The following PLCB1 variants were observed in gnomAD, a reference collection of about 807,000 sequenced individuals.
The protein encoded by PLCB1 is 1-phosphatidylinositol 4,5-bisphosphate phosphodiesterase beta-1.
PLCB1 carries 46 observed loss-of-function variants against 161.8 expected under a neutral mutation model. The observed-to-expected ratio is 0.28, with a 90% confidence interval of 0.22 to 0.36. The LOEUF is 0.36. Ranked by LOEUF, PLCB1 falls within the 10% of genes least tolerant of loss-of-function variation. The pLI, the probability that PLCB1 is intolerant of heterozygous loss-of-function variation, is 1.00. For synonymous variants in PLCB1, 517 were observed against 503.7 expected (o/e 1.03, Z -0.35); for missense variants, 1,016 against 1,472.5 (o/e 0.69, Z 5.07).
intron 7 of PLCB1, among the ~76,000 whole-genome samples, chr20:8,655,523 G>T (rs1256995365): frequency 3.3e-5 from 5 of 152,068 alleles, no homozygotes; most frequent in Non-Finnish European, 2.9e-5. Context: ...ACAAAATCCA[G>T]TTCAAGGGGA....
At position 8,722,255 on chromosome 20, in the gene PLCB1, G is replaced by A; in HGVS notation, c.1514-99G>A. 5.7e-6 allele frequency: 5 copies of A among 872,704 alleles called. No individual in the cohort carries two copies. In the South Asian group the frequency reaches 7.3e-5, roughly 13 times the overall value. The allele number at this position is 872,704 out of a possible 1,614,324, so 54.1% of individuals were successfully genotyped here. A position where few individuals can be genotyped will look rare whatever the true frequency, so the allele number is the denominator to read the frequency against. Reference sequence around the variant, plus strand: ...TAATTTTAAACAGCCCAACTTCCAAGGAAATCTGTAATTGATTTTAGGTAA... The same window carrying A: ...TAATTTTAAACAGCCCAACTTCCAAAGAAATCTGTAATTGATTTTAGGTAA... On this transcript the variant is annotated intron_variant, in intron 14 of 31. Transcript: ENST00000338037.
chr20:8,696,438 A>G (rs1990586975), intron 10 of PLCB1, among the ~76,000 whole-genome samples: 1 of 152,102 alleles, frequency 6.6e-6, no homozygotes, highest in South Asian at 2.1e-4. Flanking sequence ...TGATTCCTCC[A>G]TCTTTGTTCT....
At chr20:8,563,192 CA>C (rs1252856861) in intron 3 of PLCB1, among the ~76,000 whole-genome samples, 7 of 151,724 alleles carry the variant, frequency 4.6e-5, no homozygotes, top group African/African-American at 1.5e-4. Flanking sequence ...ATACAGTGAA[CA>C]AAAAAGTTTG....
intron 14 of PLCB1, among the ~76,000 whole-genome samples, chr20:8,721,374 G>A (rs987141465): frequency 5.3e-5 from 8 of 152,108 alleles, no homozygotes; most frequent in African/African-American, 1.7e-4. Context: ...TAGAACTTTC[G>A]AACCATTTAG....
intron 13 of PLCB1, among the ~76,000 whole-genome samples, chr20:8,716,881 CT>C (rs1979345521): frequency 6.6e-6 from 1 of 152,182 alleles, no homozygotes. Context: ...TTCCCGCACC[CT>C]TTTGCCCAAT....
chr20:8,817,964 A>G (rs2146260255), intron 31 of PLCB1, among the ~76,000 whole-genome samples: 1 of 152,374 alleles, frequency 6.6e-6, no homozygotes, highest in South Asian at 2.1e-4. Flanking sequence ...TTATAGCAAC[A>G]GAAAGAGAAT....
chr20:8,267,569 T>G (rs1453711971), intron 2 of PLCB1, among the ~76,000 whole-genome samples: 1 of 152,228 alleles, frequency 6.6e-6, no homozygotes, highest in Non-Finnish European at 1.5e-5. Context: ...TCCCAATCCC[T>G]GTCTCAGACT....
intron 3 of PLCB1, among the ~76,000 whole-genome samples, chr20:8,407,587 C>T (rs571502237): frequency 1.8e-4 from 28 of 152,260 alleles, no homozygotes; most frequent in Admixed American, 4.6e-4. Flanking sequence ...TTCGCTATCA[C>T]GAGAATAGCA....
At chr20:8,793,432 A>G (rs1983864979) in intron 31 of PLCB1, among the ~76,000 whole-genome samples, 1 of 152,050 alleles carries the variant, frequency 6.6e-6, no homozygotes, top group Admixed American at 6.6e-5. Flanking sequence ...GTTCTTTTCT[A>G]TTTTTCCTAA....
intron 31 of PLCB1, among the ~76,000 whole-genome samples, chr20:8,865,652 T>A (rs1393531467): frequency 6.6e-6 from 1 of 152,222 alleles, no homozygotes; most frequent in Non-Finnish European, 1.5e-5. Flanking sequence ...GTTCCTTTCA[T>A]AATGTGGCTC....
chr20:8,841,855 G>A (rs1185354219), intron 31 of PLCB1, among the ~76,000 whole-genome samples: 1 of 152,158 alleles, frequency 6.6e-6, no homozygotes, highest in Admixed American at 6.5e-5. Context: ...TATCATCATG[G>A]GGTCATTTTA....
intron 4 of PLCB1, among the ~76,000 whole-genome samples, chr20:8,633,120 AC>A (rs1355544945): frequency 2.0e-5 from 3 of 150,416 alleles, no homozygotes; most frequent in Non-Finnish European, 4.4e-5. Flanking sequence ...ACACACACAC[AC>A]ACACACACAC....
intron 2 of PLCB1, among the ~76,000 whole-genome samples, chr20:8,333,874 A>G (rs1985460935): frequency 1.3e-5 from 2 of 152,198 alleles, no homozygotes; most frequent in South Asian, 2.1e-4. Context: ...TTGGTTCTCA[A>G]TTCGCATTCT....
At chr20:8,754,469 A>G (rs542635786) in intron 23 of PLCB1, among the ~76,000 whole-genome samples, 1 of 152,042 alleles carries the variant, frequency 6.6e-6, no homozygotes, top group East Asian at 1.9e-4. Context: ...TCCTCCATCA[A>G]AATTTTCTTT....
chr20:8,458,335 G>A (rs1390198352), intron 3 of PLCB1, among the ~76,000 whole-genome samples: 1 of 152,162 alleles, frequency 6.6e-6, no homozygotes, highest in Admixed American at 6.5e-5. Context: ...CATCTCTCAT[G>A]ATCAATCAAT....
chr20:8,780,751 G>T (rs1600321657), intron 27 of PLCB1, among the ~76,000 whole-genome samples: 3 of 152,210 alleles, frequency 2.0e-5, no homozygotes, highest in East Asian at 1.9e-4. Flanking sequence ...TGAGTGGGGG[G>T]TCTAGGGTCA....
chr20:8,357,019 T>C (rs1011598270), intron 2 of PLCB1, among the ~76,000 whole-genome samples: 1 of 152,176 alleles, frequency 6.6e-6, no homozygotes, highest in African/African-American at 2.4e-5. Context: ...GGTTTTACTT[T>C]CATCTGAGCA....
intron 1 of PLCB1, among the ~76,000 whole-genome samples, chr20:8,148,280 T>C (rs564199281): frequency 6.6e-6 from 1 of 152,364 alleles, no homozygotes; most frequent in Admixed American, 6.5e-5. Context: ...TGAGCTGTTA[T>C]GCATGCAATC....
At chr20:8,140,809 T>G (rs1182048806) in intron 1 of PLCB1, among the ~76,000 whole-genome samples, 1 of 152,168 alleles carries the variant, frequency 6.6e-6, no homozygotes, top group African/African-American at 2.4e-5. Context: ...TTTTTTATTT[T>G]TTTTTTTAGA....
Sources: allele counts gnomAD v4.1 joint callset (sites outside exome capture counted in the v4.1 genomes callset), GRCh38; gene constraint gnomAD v4.1.1; transcripts MANE v1.5; gene names NCBI Gene and HGNC (gene_info 2026-07-23, HGNC 2026-07-21).